PHACTR1: variants seen among roughly 807,000 people sequenced by gnomAD.
PHACTR1 encodes phosphatase and actin regulator 1.
PHACTR1 carries 16 observed loss-of-function variants against 69.2 expected under a neutral mutation model. That is an observed-to-expected ratio of 0.23 (90% CI 0.16 to 0.35). The LOEUF (loss-of-function observed/expected upper bound fraction) is 0.35, where lower values mean the gene tolerates loss of function less well. Ranked by LOEUF, PHACTR1 falls within the 10% of genes least tolerant of loss-of-function variation. The probability of loss-of-function intolerance (pLI) is 1.00; values close to 1 mark genes in which losing one functional copy is unlikely to be tolerated. For synonymous variants in PHACTR1, 312 were observed against 284.5 expected, an observed-to-expected ratio of 1.10 and a Z score of -0.97; for missense variants, 510 against 734.7, an observed-to-expected ratio of 0.69 and a Z score of 3.54.
chr6:12,802,985 A>G (rs1256481858), intron 4 of PHACTR1, among the ~76,000 whole-genome samples: 4 of 152,204 alleles, frequency 2.6e-5, no homozygotes, highest in Non-Finnish European at 5.9e-5. Flanking sequence ...TAGCTAATAT[A>G]TGTGGCTTTG....
intron 5 of PHACTR1, among the ~76,000 whole-genome samples, chr6:13,106,769 T>C (rs1816215862): frequency 6.7e-6 from 1 of 148,252 alleles, no homozygotes; most frequent in Admixed American, 6.6e-5. Flanking sequence ...TATTGCCCAA[T>C]TTTTTTTCAT....
intron 7 of PHACTR1, among the ~76,000 whole-genome samples, chr6:13,196,258 G>A (rs1764397398): frequency 7.8e-6 from 1 of 128,868 alleles, no homozygotes; most frequent in Admixed American, 7.3e-5. Context: ...CAAGGGAAAG[G>A]AGGCATTTTT....
intron 4 of PHACTR1, among the ~76,000 whole-genome samples, chr6:12,792,290 C>T (rs543213014): frequency 6.6e-6 from 1 of 151,080 alleles, no homozygotes; most frequent in Non-Finnish European, 1.5e-5. Context: ...CATGGAGAAA[C>T]CCCGTCTCTA....
intron 4 of PHACTR1, among the ~76,000 whole-genome samples, chr6:12,900,386 A>G (rs1038468003): frequency 4.6e-5 from 7 of 151,464 alleles, no homozygotes; most frequent in Admixed American, 3.9e-4. Flanking sequence ...CAAGCTTTAC[A>G]TTTTCTGGTC....
chr6:13,263,343 G>A (rs1413000887), intron 10 of PHACTR1, among the ~76,000 whole-genome samples: 69 of 126,156 alleles, frequency 5.5e-4, no homozygotes, highest in Non-Finnish European at 8.1e-4. Context: ...TGTTCAGACT[G>A]AAAAAAAAAA....
chr6:12,906,439 CTAAAA>C (rs1296607549), intron 4 of PHACTR1, among the ~76,000 whole-genome samples: 1 of 152,148 alleles, frequency 6.6e-6, no homozygotes, highest in Non-Finnish European at 1.5e-5. Flanking sequence ...TGATAATAAA[CTAAAA>C]TATTTCCTTC....
At chr6:12,884,960 G>A (rs931894331) in intron 4 of PHACTR1, among the ~76,000 whole-genome samples, 1 of 152,196 alleles carries the variant, frequency 6.6e-6, no homozygotes, top group Admixed American at 6.5e-5. Context: ...GAGTTTTCTC[G>A]ATAATTTAGC....
chr6:12,893,004 G>A (rs1033410035), intron 4 of PHACTR1, among the ~76,000 whole-genome samples: 2 of 152,220 alleles, frequency 1.3e-5, no homozygotes, highest in Non-Finnish European at 2.9e-5. Context: ...AGAAGGAAGA[G>A]AGAGAGAGAA....
chr6:13,103,196 T>G (rs1214312325), intron 5 of PHACTR1, among the ~76,000 whole-genome samples: 2 of 152,228 alleles, frequency 1.3e-5, no homozygotes, highest in East Asian at 3.8e-4. Context: ...TGCTGTTAAT[T>G]GCATTGCTTT....
chr6:12,835,885 A>G (rs1485778206), intron 4 of PHACTR1, among the ~76,000 whole-genome samples: 3 of 152,182 alleles, frequency 2.0e-5, no homozygotes, highest in Non-Finnish European at 2.9e-5. Flanking sequence ...GATAACTGCA[A>G]ATGAAATTTC....
chr6:13,239,105 C>T (rs1056798196), intron 10 of PHACTR1, among the ~76,000 whole-genome samples: 5 of 152,264 alleles, frequency 3.3e-5, no homozygotes, highest in African/African-American at 1.2e-4. Context: ...GGAAAGACCG[C>T]CCTGGTATTC....
intron 5 of PHACTR1, among the ~76,000 whole-genome samples, chr6:13,055,386 T>C (rs1329627924): frequency 6.6e-6 from 1 of 152,130 alleles, no homozygotes; most frequent in Non-Finnish European, 1.5e-5. Context: ...ATGTGTATCC[T>C]CCACTGAGAC....
At chr6:12,972,960 C>G (rs1266545410) in intron 4 of PHACTR1, among the ~76,000 whole-genome samples, 1 of 152,132 alleles carries the variant, frequency 6.6e-6, no homozygotes, top group African/African-American at 2.4e-5. Flanking sequence ...CTATATCACT[C>G]TAACTTCTGC....
chr6:13,157,484 A>G (rs1449172963), intron 5 of PHACTR1, among the ~76,000 whole-genome samples: 1 of 152,190 alleles, frequency 6.6e-6, no homozygotes, highest in Admixed American at 6.5e-5. Flanking sequence ...GCCTTTGACC[A>G]TGGACAGCAG....
chr6:13,281,527 A>G, intron 12 of PHACTR1: 1 of 240,270 alleles, frequency 4.2e-6, no homozygotes, highest in Non-Finnish European at 8.9e-6. Context: ...ATTGAACTCC[A>G]GCCTGGGCAA....
rs548879655 is a variant in PHACTR1 at position 13,147,338 on chromosome 6, C to T, written c.416-12866C>T. The stretch of plus-strand genomic sequence containing the variant: ...TGTAACATAAATTTTCCTCGGTGCA[C>T]TCCCAAGAATATGCAGCCTGGTCCT... On this transcript the variant is annotated intron_variant, in intron 5 of 14. Coordinates refer to ENST00000332995, the MANE Select transcript of PHACTR1 (RefSeq NM_030948.6). Among the ~76,000 whole-genome samples the T allele has an allele frequency of 6.6e-5, 10 of 152,324 alleles. No homozygotes were observed. The South Asian group carries it at 1.9e-3, about 28-fold the overall frequency.
intron 10 of PHACTR1, among the ~76,000 whole-genome samples, chr6:13,257,590 C>G (rs1476925063): frequency 1.3e-5 from 2 of 152,206 alleles, no homozygotes; most frequent in Non-Finnish European, 2.9e-5. Flanking sequence ...CCTCTGGGAT[C>G]TTCTTACTTC....
At chr6:12,745,469 T>C (rs1446286400) in intron 3 of PHACTR1, among the ~76,000 whole-genome samples, 3 of 152,198 alleles carry the variant, frequency 2.0e-5, no homozygotes, top group Non-Finnish European at 4.4e-5. Flanking sequence ...GAGGTCACAG[T>C]TGAATTCAAT....
In PHACTR1 at chr6:13,160,267, A is replaced by G. The variant is rs1758795346; in HGVS notation, c.479A>G (p.Lys160Arg). The G allele has an allele frequency of 6.2e-7, 1 of 1,613,540 alleles. No homozygotes were observed. Among genetic ancestry groups the G allele is most frequent in the Non-Finnish European group, 8.5e-7 (1 of 1,179,632 alleles). ...REELIKRGVL[K>R]EIYDKDGELS... ...GAGCTGATAAAGCGAGGAGTCCTGA[A>G]GGAAATCTATGATAAAGGTAAGGAG... Residue 160 changes from lysine to arginine, a missense_variant, in exon 6 of 15, where the codon AAG (lysine) becomes AGG (arginine). Physicochemically the swap from Lys to Arg is conservative, Grantham distance 26. Transcript: ENST00000332995.
Sources: allele counts gnomAD v4.1 joint callset (sites outside exome capture counted in the v4.1 genomes callset), GRCh38; gene constraint gnomAD v4.1.1; transcripts MANE v1.5; gene names NCBI Gene and HGNC (gene_info 2026-07-23, HGNC 2026-07-21).